Variants in GRIP1 observed in about 807,000 individuals in gnomAD.
GRIP1 encodes glutamate receptor interacting protein 1, also known as glutamate receptor-interacting protein 1.
GRIP1 carries 45 observed loss-of-function variants against 129.9 expected under a neutral mutation model. That is an observed-to-expected ratio of 0.35 (90% CI 0.27 to 0.44). The LOEUF is 0.44. Ranked by LOEUF, GRIP1 falls within the 20% of genes least tolerant of loss-of-function variation. The probability of loss-of-function intolerance (pLI) is 1.00; values close to 1 mark genes in which losing one functional copy is unlikely to be tolerated. For missense variants in GRIP1, 1,196 were observed against 1,396.8 expected (o/e 0.86, Z 2.29); for synonymous variants, 530 against 520.8 (o/e 1.02, Z -0.24).
chr12:66,459,790 C>T (rs2059079984), intron 9 of GRIP1, among the ~76,000 whole-genome samples: 2 of 152,158 alleles, frequency 1.3e-5, no homozygotes, highest in East Asian at 3.8e-4. Flanking sequence ...GAGCTGCTGC[C>T]TATTTTGAAT....
chr12:66,995,670 T>C (rs2135662647), intron 1 of GRIP1, among the ~76,000 whole-genome samples: 1 of 152,218 alleles, frequency 6.6e-6, no homozygotes, highest in Middle Eastern at 3.4e-3. Flanking sequence ...GGATGGTGGA[T>C]AATAAAAACA....
At chr12:66,450,918 A>G (rs2058774461) in intron 11 of GRIP1, among the ~76,000 whole-genome samples, 1 of 152,262 alleles carries the variant, frequency 6.6e-6, no homozygotes, top group African/African-American at 2.4e-5. Context: ...AGCAAAGTAA[A>G]TGAAGGTGAA....
chr12:66,776,145 C>G (rs2037972750), intron 1 of GRIP1, among the ~76,000 whole-genome samples: 1 of 152,234 alleles, frequency 6.6e-6, no homozygotes, highest in East Asian at 1.9e-4. Flanking sequence ...GCCAGATGCC[C>G]AAGGCTACAG....
chr12:66,852,719 G>A (rs1015537397), intron 1 of GRIP1, among the ~76,000 whole-genome samples: 23 of 151,540 alleles, frequency 1.5e-4, no homozygotes, highest in African/African-American at 5.6e-4. Context: ...CAATTAAATA[G>A]AGATGTCAAC....
At chr12:66,426,472 T>G (rs1167216484) in intron 14 of GRIP1, among the ~76,000 whole-genome samples, 1 of 152,138 alleles carries the variant, frequency 6.6e-6, no homozygotes, top group Non-Finnish European at 1.5e-5. Flanking sequence ...TAGCGTCCAC[T>G]CCCTGCTCAC....
At chr12:66,626,470 A>G (rs1360486220) in intron 1 of GRIP1, 3 of 152,242 alleles carry the variant, frequency 2.0e-5, no homozygotes, top group African/African-American at 7.2e-5. Flanking sequence ...CGTGTGCACA[A>G]CAAATAGTAT....
intron 13 of GRIP1, among the ~76,000 whole-genome samples, chr12:66,435,421 C>T (rs572793049): frequency 1.3e-5 from 2 of 152,248 alleles, no homozygotes; most frequent in African/African-American, 4.8e-5. Context: ...CTAGGCTGGT[C>T]TCAAACTCCC....
chr12:66,542,753 G>A (rs2061826072), intron 2 of GRIP1, among the ~76,000 whole-genome samples: 1 of 152,136 alleles, frequency 6.6e-6, no homozygotes, highest in Admixed American at 6.5e-5. Flanking sequence ...CCTTCCAGAG[G>A]CTAATTAGGA....
chr12:66,522,206 A>C (rs1018631586), intron 5 of GRIP1, among the ~76,000 whole-genome samples: 1 of 152,238 alleles, frequency 6.6e-6, no homozygotes, highest in Admixed American at 6.5e-5. Context: ...CTGCCTCCTC[A>C]AGTGGGTCCC....
At chr12:66,462,511 T>C (rs2059162639) in intron 9 of GRIP1, among the ~76,000 whole-genome samples, 1 of 152,166 alleles carries the variant, frequency 6.6e-6, no homozygotes, top group Admixed American at 6.5e-5. Flanking sequence ...TCCTCGATGT[T>C]AGGGTTTCAA....
chr12:66,659,231 C>T (rs1020752873), intron 1 of GRIP1, among the ~76,000 whole-genome samples: 3 of 152,212 alleles, frequency 2.0e-5, no homozygotes, highest in African/African-American at 4.8e-5. Flanking sequence ...TGTAACCTCA[C>T]ACCCTCTGTT....
chr12:66,742,189 G>A (rs1399806137), intron 1 of GRIP1, among the ~76,000 whole-genome samples: 1 of 152,134 alleles, frequency 6.6e-6, no homozygotes, highest in African/African-American at 2.4e-5. Context: ...TCTCTGAGAG[G>A]TCTGGTGTTT....
chr12:67,029,099 T>C (rs564806635), intron 1 of GRIP1, among the ~76,000 whole-genome samples: 32 of 152,144 alleles, frequency 2.1e-4, no homozygotes, highest in Admixed American at 2.0e-3. Flanking sequence ...TGAGACTGTC[T>C]CTACAAAAAA....
At chr12:66,458,168 TG>T (rs1319038534) in intron 9 of GRIP1, among the ~76,000 whole-genome samples, 15 of 152,282 alleles carry the variant, frequency 9.9e-5, no homozygotes, top group African/African-American at 3.6e-4. Flanking sequence ...CTAAACCATC[TG>T]GTCTGCTCCT....
At chr12:66,494,655 T>C (rs2138704150) in intron 7 of GRIP1, among the ~76,000 whole-genome samples, 1 of 152,182 alleles carries the variant, frequency 6.6e-6, no homozygotes, top group Non-Finnish European at 1.5e-5. Context: ...GGAGGGTTGC[T>C]TGAAGCCAGG....
chr12:66,537,551 A>C (rs1783116881), intron 4 of GRIP1, among the ~76,000 whole-genome samples: 1 of 151,686 alleles, frequency 6.6e-6, no homozygotes, highest in South Asian at 2.1e-4. Context: ...CCTACTATGT[A>C]CCCACAGAAA....
chr12:66,367,441 C>T (rs958939314), intron 23 of GRIP1, among the ~76,000 whole-genome samples: 23 of 152,040 alleles, frequency 1.5e-4, no homozygotes, highest in African/African-American at 5.1e-4. Context: ...TGTAGATTCT[C>T]GGCCCATGCT....
chr12:66,628,788 C>A (rs1024186915), intron 1 of GRIP1, among the ~76,000 whole-genome samples: 9 of 152,190 alleles, frequency 5.9e-5, no homozygotes, highest in Non-Finnish European at 8.8e-5. Flanking sequence ...CAGCAATGCC[C>A]AGAACAGCTC....
chr12:66,448,259 T>G (rs572896534), intron 11 of GRIP1, among the ~76,000 whole-genome samples: 2 of 152,206 alleles, frequency 1.3e-5, no homozygotes, highest in South Asian at 4.2e-4. Flanking sequence ...GACCATCATT[T>G]TTATTGCCCT....
Sources: allele counts gnomAD v4.1 joint callset (sites outside exome capture counted in the v4.1 genomes callset), GRCh38; gene constraint gnomAD v4.1.1; transcripts MANE v1.5; gene names NCBI Gene and HGNC (gene_info 2026-07-23, HGNC 2026-07-21).